Variants in LMO7 observed in about 807,000 individuals in gnomAD.
LMO7 encodes the protein LIM domain only protein 7.
In LMO7, 120 loss-of-function variants were observed where a neutral mutation model predicts 206.5. The observed-to-expected ratio is 0.58, with a 90% CI of 0.50 to 0.68. LMO7 has a LOEUF of 0.68. Among genes scored for constraint, LMO7 ranks in the 30% least tolerant of loss-of-function variants. LMO7 has a pLI of 0.00. For synonymous variants in LMO7, 706 were observed against 681.5 expected (o/e 1.04, Z -0.56); for missense variants, 1,959 against 1,957.9 (o/e 1.00, Z -0.01).
intron 2 of LMO7, among the ~76,000 whole-genome samples, chr13:75,722,688 CATT>C: frequency 6.6e-6 from 1 of 152,124 alleles, no homozygotes; most frequent in South Asian, 2.1e-4. Flanking sequence ...GAAAATAAGT[CATT>C]ATATGAAAAA....
Position 75,840,460 on chromosome 13 carries a change from G to A in LMO7, c.3547G>A (p.Glu1183Lys), listed in dbSNP as rs1278980489. ...TCAAGAGGAGGAGCGGAAGCGGCAG[G>A]AGAGGTGGCAGAAGGAGCAGGACCG... ...WDQEEERKRQ[E>K]RWQKEQDRLL... The change falls in exon 22 of 31, where the codon GAG becomes AAG. Residue 1183 changes from glutamate (E) to lysine (K), a missense_variant. By Grantham distance (56) the Glu-to-Lys change is moderately conservative. Transcript: ENST00000377534. The A allele has an allele frequency of 6.2e-7, 1 of 1,613,926 alleles. No individual in the cohort carries two copies. Among genetic ancestry groups the A allele is most frequent in the Non-Finnish European group, 8.5e-7 (1 of 1,179,980 alleles).
At chr13:75,737,054 G>C (rs1262916151) in intron 3 of LMO7, among the ~76,000 whole-genome samples, 1 of 152,188 alleles carries the variant, frequency 6.6e-6, no homozygotes, top group Non-Finnish European at 1.5e-5. Flanking sequence ...CAGTACCTTA[G>C]AGTGTGATCT....
intron 4 of LMO7, among the ~76,000 whole-genome samples, chr13:75,768,674 T>C (rs2049224481): frequency 6.6e-6 from 1 of 152,126 alleles, no homozygotes; most frequent in African/African-American, 2.4e-5. Flanking sequence ...TTTCCCTTCA[T>C]TTCTGTGAAA....
At chr13:75,725,421 ATTTCTTGAT>A (rs962307884) in intron 2 of LMO7, among the ~76,000 whole-genome samples, 6 of 152,102 alleles carry the variant, frequency 3.9e-5, no homozygotes, top group Non-Finnish European at 7.4e-5. Flanking sequence ...ACTGCAAATA[ATTTCTTGAT>A]TTATACTTTC....
intron 1 of LMO7, among the ~76,000 whole-genome samples, chr13:75,681,732 A>ATATATATATATATATATATATG (rs1555293403): frequency 5.7e-4 from 77 of 135,258 alleles, no homozygotes; most frequent in African/African-American, 2.0e-3. Flanking sequence ...ATATATATAT[A>ATATATATATATATATATATATG]TATATATATA....
At chr13:75,714,200 T>C (rs1257527172) in intron 2 of LMO7, among the ~76,000 whole-genome samples, 1 of 152,190 alleles carries the variant, frequency 6.6e-6, no homozygotes, top group African/African-American at 2.4e-5. Context: ...TGCTCCATTA[T>C]TTTTGGACCT....
intron 1 of LMO7, among the ~76,000 whole-genome samples, chr13:75,683,613 G>A (rs950135020): frequency 4.3e-4 from 65 of 152,184 alleles, no homozygotes; most frequent in South Asian, 6.2e-4. Flanking sequence ...GAACCCAATA[G>A]TATCTGAGAC....
upstream of LMO7, among the ~76,000 whole-genome samples, chr13:75,632,555 C>T (rs1458590976): frequency 2.0e-5 from 3 of 152,174 alleles, no homozygotes; most frequent in Admixed American, 6.5e-5. Context: ...GAAGTATTAT[C>T]CATTATTCAG....
exon 2 of LMO7, chr13:75,623,320 G>C (rs140819212): frequency 1.4e-6 from 2 of 1,400,366 alleles, no homozygotes; most frequent in African/African-American, 1.4e-5. Flanking sequence ...TTCTCATTAA[G>C]GTAATATTTT....
exon 1 of LMO7, chr13:75,620,550 T>G (rs2033263596): frequency 6.6e-6 from 1 of 152,138 alleles, no homozygotes; most frequent in African/African-American, 2.4e-5. Flanking sequence ...ATTCAGCTGG[T>G]AGGTGAGGTC....
At chr13:75,847,017 C>G (rs557719541) in intron 26 of LMO7, among the ~76,000 whole-genome samples, 2 of 130,416 alleles carry the variant, frequency 1.5e-5, no homozygotes, top group Middle Eastern at 4.2e-3. Flanking sequence ...GGTGACGGAG[C>G]AGACTCTGTC....
At chr13:75,696,241 G>T (rs1158877616) in intron 1 of LMO7, among the ~76,000 whole-genome samples, 1 of 152,160 alleles carries the variant, frequency 6.6e-6, no homozygotes, top group Non-Finnish European at 1.5e-5. Flanking sequence ...TGTAGTTCCA[G>T]CTACTTGGGA....
chr13:75,703,714 TTGTGTGTG>T (rs139490120), intron 1 of LMO7, among the ~76,000 whole-genome samples: 1 of 147,584 alleles, frequency 6.8e-6, no homozygotes. Context: ...TTCAGGTTCT[TTGTGTGTG>T]TGTGTGTGTG....
intron 2 of LMO7, among the ~76,000 whole-genome samples, chr13:75,721,432 C>T (rs891046110): frequency 9.2e-5 from 14 of 152,154 alleles, no homozygotes; most frequent in African/African-American, 3.4e-4. Flanking sequence ...GCTGGACCGT[C>T]TGATTGCTCT....
At chr13:75,760,764 A>G (rs2048115236) in intron 3 of LMO7, 168 bp from the exon 4 acceptor site, 2 of 1,537,540 alleles carry the variant, frequency 1.3e-6, no homozygotes, top group Middle Eastern at 1.7e-4. Flanking sequence ...GAAAGGCTGT[A>G]CAAGCCCTAT....
intron 27 of LMO7, among the ~76,000 whole-genome samples, chr13:75,852,715 C>T (rs996722083): frequency 2.6e-5 from 4 of 152,128 alleles, no homozygotes; most frequent in East Asian, 1.9e-4. Flanking sequence ...TTGTTGACTT[C>T]CAGTACGGTA....
At chr13:75,654,533 G>T (rs4885336) in intron 1 of LMO7, among the ~76,000 whole-genome samples, 57,818 of 151,974 alleles carry the variant, frequency 0.38, 11,337 homozygotes, top group East Asian at 0.5. Flanking sequence ...ATTGGATCTG[G>T]TAGAAGCCAG....
Position 75,859,015 on chromosome 13 carries a change from A to G in LMO7, c.*1072A>G, listed in dbSNP as rs2061149327. 1 of 152,192 alleles carries G rather than the reference A, an allele frequency of 6.6e-6. No homozygotes were observed. The highest frequency in any genetic ancestry group is 2.4e-5 in the African/African-American group (1 of 41,458). The allele number at this position is 152,192 out of a possible 1,614,324, so 9.4% of individuals were successfully genotyped here. On this transcript the variant is annotated 3_prime_UTR_variant, in exon 31 of 31. Transcript: ENST00000377534. ...AAAATCTTTTACTAACCCCATGATA[A>G]AAGGAGAAGACAACAGTGAGCTTAG...
chr13:75,637,890 CTT>C (rs966278903), intron 1 of LMO7, among the ~76,000 whole-genome samples: 2 of 152,060 alleles, frequency 1.3e-5, no homozygotes, highest in African/African-American at 4.8e-5. Context: ...TAGATTGAAA[CTT>C]TGAGCTGGTC....
Sources: gnomAD v4.1 joint callset for allele counts (sites outside exome capture counted in the v4.1 genomes callset) on GRCh38, gnomAD v4.1.1 for gene constraint, MANE v1.5 for transcripts, NCBI Gene and HGNC (gene_info 2026-07-23, HGNC 2026-07-21) for gene names.